TMEM266: variants seen among roughly 807,000 people sequenced by gnomAD.
TMEM266 encodes transmembrane protein 266, also known as Hv1 related protein 1.
A neutral mutation model predicts 50.5 loss-of-function variants in TMEM266; 33 were observed. The ratio of observed to expected loss-of-function variants is 0.65; its 90% confidence interval spans 0.50 to 0.87. TMEM266 has a LOEUF of 0.87. Among genes scored for constraint, TMEM266 ranks in the 40% least tolerant of loss-of-function variants. TMEM266 has a pLI of 0.00. For missense variants in TMEM266, 655 were observed against 695.1 expected (o/e 0.94, Z 0.65); for synonymous variants, 310 against 292.3 (o/e 1.06, Z -0.62).
intron 9 of TMEM266, among the ~76,000 whole-genome samples, chr15:76,199,749 A>C (rs1346051818): frequency 8.6e-6 from 1 of 116,348 alleles, no homozygotes; most frequent in Non-Finnish European, 1.8e-5. Flanking sequence ...TGGAGCTTTG[A>C]GAGTAAACAC....
intron 3 of TMEM266, among the ~76,000 whole-genome samples, chr15:76,152,665 C>T (rs1443437623): frequency 6.6e-6 from 1 of 152,128 alleles, no homozygotes; most frequent in East Asian, 1.9e-4. Flanking sequence ...ATCGCTGTCC[C>T]CTCACCCCCA....
chr15:76,110,284 T>A (rs2037150809), intron 1 of TMEM266, among the ~76,000 whole-genome samples: 1 of 152,134 alleles, frequency 6.6e-6, no homozygotes, highest in African/African-American at 2.4e-5. Flanking sequence ...ATTACAGGCA[T>A]AAGCCACCGC....
intron 1 of TMEM266, among the ~76,000 whole-genome samples, chr15:76,071,732 C>G (rs1196510360): frequency 1.3e-5 from 2 of 152,116 alleles, no homozygotes; most frequent in Non-Finnish European, 2.9e-5. Context: ...CACCCCAGAC[C>G]CCTCACTGAC....
intron 8 of TMEM266, among the ~76,000 whole-genome samples, chr15:76,189,601 G>C (rs1057457523): frequency 6.6e-6 from 1 of 152,142 alleles, no homozygotes; most frequent in Non-Finnish European, 1.5e-5. Context: ...GAGGAAGGGG[G>C]TGTAGTGTGA....
intron 1 of TMEM266, among the ~76,000 whole-genome samples, chr15:76,065,566 T>TG (rs1206412709): frequency 6.6e-6 from 1 of 152,156 alleles, no homozygotes; most frequent in African/African-American, 2.4e-5. Flanking sequence ...GCTCTGCCTG[T>TG]GATGTGAATC....
At chr15:76,150,240 G>T (rs902171329) in intron 3 of TMEM266, among the ~76,000 whole-genome samples, 1 of 152,188 alleles carries the variant, frequency 6.6e-6, no homozygotes, top group Non-Finnish European at 1.5e-5. Flanking sequence ...AGTCCAGAAA[G>T]CTTTTGAGCC....
chr15:76,161,012 G>A lies in TMEM266; in HGVS notation c.456+844G>A, dbSNP rs1010903382. On this transcript the variant is annotated intron_variant, in intron 5 of 10. Coordinates refer to ENST00000388942, the MANE Select transcript of TMEM266 (RefSeq NM_152335.3). This position sits in a 1 kb window ranked among gnomAD's most constrained non-coding sequence, Gnocchi z 4.1. ...AATTGGCTTGGTCCTGCTGCAGGCA[G>A]GGTTTTATCCTGTCCCGTGCGCACT... is the stretch of plus-strand genomic sequence containing the variant. 6.6e-6 allele frequency among the ~76,000 whole-genome samples: 1 copy of A among 152,180 alleles called. No homozygotes were observed. Among genetic ancestry groups the A allele is most frequent in the African/African-American group, 2.4e-5 (1 of 41,454 alleles).
intron 3 of TMEM266, among the ~76,000 whole-genome samples, chr15:76,138,450 G>A (rs2037626529): frequency 6.6e-6 from 1 of 152,090 alleles, no homozygotes. Context: ...TTTTAGGACC[G>A]AGGCACTCCT....
At chr15:76,177,381 C>T (rs562526232) in intron 8 of TMEM266, among the ~76,000 whole-genome samples, 8 of 152,356 alleles carry the variant, frequency 5.3e-5, no homozygotes, top group Admixed American at 1.3e-4. Context: ...CTGTTGGCTC[C>T]TCGACCAACC....
chr15:76,109,716 T>C (rs971815201), intron 1 of TMEM266, among the ~76,000 whole-genome samples: 7 of 151,164 alleles, frequency 4.6e-5, no homozygotes, highest in South Asian at 2.1e-4. Flanking sequence ...CTTTTCTTTT[T>C]TTTTTTTTTT....
rs1368486896 is a variant in TMEM266, at chr15:76,171,130, T to C, written c.651T>C (p.Asp217=). ...TCTGGAGGGTGAAGAGGGTCATTGATGGTGAGTGGCCCGAGGGGGGTGTGG... is the reference window on the plus strand; with the variant it reads ...TCTGGAGGGTGAAGAGGGTCATTGACGGTGAGTGGCCCGAGGGGGGTGTGG... Residue 217 remains aspartate (D), a splice_region_variant and synonymous_variant, in exon 7 of 11, where the codon GAT becomes GAC. Coordinates refer to ENST00000388942, the MANE Select transcript of TMEM266 (RefSeq NM_152335.3). The C allele has an allele frequency of 3.7e-6, 6 of 1,613,414 alleles. No individual in the cohort carries two copies. The highest frequency in any genetic ancestry group is 1.3e-5 in the African/African-American group (1 of 74,904).
intron 1 of TMEM266, among the ~76,000 whole-genome samples, chr15:76,117,631 G>C (rs1442165296): frequency 6.6e-6 from 1 of 152,188 alleles, no homozygotes; most frequent in Non-Finnish European, 1.5e-5. Flanking sequence ...GAATTGAAGG[G>C]AGATAAGAAA....
chr15:76,136,637 C>T (rs2142031131), intron 2 of TMEM266, among the ~76,000 whole-genome samples: 1 of 152,264 alleles, frequency 6.6e-6, no homozygotes, highest in South Asian at 2.1e-4. Flanking sequence ...TTCTAACTCT[C>T]ATTGTTTGGA....
rs376055659 is a variant in TMEM266 at position 76,202,219 on chromosome 15, G to A, written c.976G>A (p.Asp326Asn). 39 of 1,613,756 alleles carry A rather than the reference G, an allele frequency of 2.4e-5. No individual in the cohort carries two copies. In the Middle Eastern group the frequency reaches 4.9e-4, roughly 20 times the overall value. ...CTCTGTAGAAGCCACGATGAAGGAC[G>A]ACATGAACAGCTACATCAGTCAGTA... The change falls in exon 10 of 11, where the codon GAC becomes AAC. Residue 326 changes from aspartate to asparagine, a missense_variant. By Grantham distance (23) the Asp-to-Asn change is conservative. This residue lies in a region of TMEM266 where 455 missense variants were observed against 401.8 expected (regional missense o/e 1.13). Transcript: ENST00000388942.
Position 76,153,981 on chromosome 15 carries a change from G to T in TMEM266, c.228-2623G>T, listed in dbSNP as rs972767152. Among the ~76,000 whole-genome samples, 1 of 152,150 alleles carries T rather than the reference G, an allele frequency of 6.6e-6. No individual in the cohort carries two copies. The highest frequency in any genetic ancestry group is 1.5e-5 in the Non-Finnish European group (1 of 68,022). ...TTCCCTGGCCAGGTCCCTCCCTCCT[G>T]CCCCTTCGGGACAGATGGCCTTCCC... On this transcript the variant is annotated intron_variant, in intron 3 of 10. Coordinates refer to ENST00000388942, the MANE Select transcript of TMEM266 (RefSeq NM_152335.3). The surrounding 1 kb of genome is among the most constrained non-coding windows in gnomAD (Gnocchi z 4.2).
chr15:76,110,149 GCCA>G (rs1332557437), intron 1 of TMEM266, among the ~76,000 whole-genome samples: 2 of 151,710 alleles, frequency 1.3e-5, no homozygotes, highest in African/African-American at 4.8e-5. Flanking sequence ...ACAGGTGCAC[GCCA>G]CCACACCTGG....
chr15:76,149,452 GGAAT>G (rs775235647), intron 3 of TMEM266, among the ~76,000 whole-genome samples: 3 of 152,170 alleles, frequency 2.0e-5, no homozygotes, highest in Non-Finnish European at 4.4e-5. Context: ...TGCCTGGAAT[GGAAT>G]GAATGTTGAA....
intron 1 of TMEM266, among the ~76,000 whole-genome samples, chr15:76,073,480 ACCTTGGCCTC>A (rs2036565720): frequency 6.6e-6 from 1 of 151,478 alleles, no homozygotes; most frequent in Non-Finnish European, 1.5e-5. Context: ...TGATCCACCC[ACCTTGGCCTC>A]CCAAACTGCT....
chr15:76,170,330 A>G (rs1240214411), intron 6 of TMEM266, among the ~76,000 whole-genome samples: 1 of 152,178 alleles, frequency 6.6e-6, no homozygotes, highest in Non-Finnish European at 1.5e-5. Context: ...AGACAAGGCA[A>G]GGCGGCCAGA....
Sources: gnomAD v4.1 joint callset for allele counts (sites outside exome capture counted in the v4.1 genomes callset) on GRCh38, gnomAD v4.1.1 for gene constraint, gnomAD v4.1.1 regional missense constraint, Gnocchi (gnomAD v3.1) non-coding constraint, MANE v1.5 for transcripts, NCBI Gene and HGNC (gene_info 2026-07-23, HGNC 2026-07-21) for gene names.